Variants in ULK2 observed in about 807,000 individuals in gnomAD.
ULK2 encodes the protein unc-51 like autophagy activating kinase 2, also known as serine/threonine-protein kinase ULK2.
ULK2 carries 76 observed loss-of-function variants against 127.5 expected under a neutral mutation model. The observed-to-expected ratio is 0.60, with a 90% CI of 0.50 to 0.72. ULK2 has a LOEUF of 0.72. Ranked by LOEUF, ULK2 falls within the 30% of genes least tolerant of loss-of-function variation. The pLI is 0.00. For synonymous variants in ULK2, 452 were observed against 461.9 expected, an observed-to-expected ratio of 0.98 and a Z score of 0.28; for missense variants, 1,144 against 1,295.9, an observed-to-expected ratio of 0.88 and a Z score of 1.80.
rs1392835000 is a variant in ULK2 at position 19,801,833 on chromosome 17, GTC to G, written c.1383_1384del (p.Gln461HisfsTer12). On this transcript the variant is annotated frameshift_variant, in exon 16 of 27. Coordinates refer to ENST00000395544, the MANE Select transcript of ULK2 (RefSeq NM_014683.4). LOFTEE classifies it high-confidence loss of function. ...CCCAGTGGAGAGCCTTCGTCCAACT[GTC>G]TGTGCTGTGTCTGCTGGTACTGGGG... 9 of 1,614,244 alleles carry G rather than the reference GTC, an allele frequency of 5.6e-6. No individual in the cohort carries two copies. Among genetic ancestry groups the G allele is most frequent in the Non-Finnish European group, 7.6e-6 (9 of 1,180,040 alleles).
chr17:19,854,003 T>C (rs1372977778), intron 3 of ULK2, among the ~76,000 whole-genome samples: 1 of 152,016 alleles, frequency 6.6e-6, no homozygotes, highest in East Asian at 1.9e-4. Context: ...ATACAACATA[T>C]GAAAGCCAAT....
chr17:19,799,698 T>G (rs901250525), intron 16 of ULK2, 123 bp from the exon 17 acceptor site: 3 of 886,542 alleles, frequency 3.4e-6, no homozygotes, highest in Non-Finnish European at 4.8e-6. Flanking sequence ...AAATTTTAAG[T>G]AACAAACGTT....
At chr17:19,777,836 C>T in intron 25 of ULK2, 120 bp from the exon 26 acceptor site, 1 of 1,252,152 alleles carries the variant, frequency 8.0e-7, no homozygotes, top group South Asian at 1.6e-5. Context: ...TAAAGTGATA[C>T]AGTCTGCAAA....
At chr17:19,848,265 G>A (rs1294597093) in intron 5 of ULK2, 1 of 152,144 alleles carries the variant, frequency 6.6e-6, no homozygotes, top group Non-Finnish European at 1.5e-5. Flanking sequence ...CTACACTGAG[G>A]ATTTAGTATC....
At chr17:19,818,878 G>A (rs2041065826) in intron 12 of ULK2, among the ~76,000 whole-genome samples, 1 of 133,628 alleles carries the variant, frequency 7.5e-6, no homozygotes, top group South Asian at 2.4e-4. Flanking sequence ...TTGGCTCACT[G>A]CAACCTCTGC....
chr17:19,821,497 A>T (rs1040567374), intron 12 of ULK2, among the ~76,000 whole-genome samples: 1 of 149,032 alleles, frequency 6.7e-6, no homozygotes, highest in African/African-American at 2.4e-5. Context: ...TAAAAACGAC[A>T]ACGTTATATC....
chr17:19,780,415 A>T, intron 25 of ULK2, 57 bp downstream of exon 25: 1 of 1,444,210 alleles, frequency 6.9e-7, no homozygotes, highest in Non-Finnish European at 9.3e-7. Flanking sequence ...ATATTCAATT[A>T]AAAAGACACT....
At chr17:19,779,046 T>C (rs1046990296) in intron 25 of ULK2, among the ~76,000 whole-genome samples, 3 of 152,228 alleles carry the variant, frequency 2.0e-5, no homozygotes, top group Non-Finnish European at 2.9e-5. Flanking sequence ...ATGCAGTGCA[T>C]ATTATTCATC....
chr17:19,814,440 T>TATATATACACACATATATATA (rs1567696572), intron 13 of ULK2, among the ~76,000 whole-genome samples: 1 of 7,076 alleles, frequency 1.4e-4, no homozygotes, highest in African/African-American at 3.8e-4. Flanking sequence ...ATATATATAT[T>TATATATACACACATATATATA]TTTTTTTTTT....
intron 22 of ULK2, among the ~76,000 whole-genome samples, chr17:19,782,547 T>C (rs1193270052): frequency 6.6e-6 from 1 of 152,350 alleles, no homozygotes; most frequent in Non-Finnish European, 1.5e-5. Context: ...GCTCTAACTT[T>C]CTGTGATCTT....
At chr17:19,803,350 C>T (rs1402022222) in intron 15 of ULK2, among the ~76,000 whole-genome samples, 1 of 152,082 alleles carries the variant, frequency 6.6e-6, no homozygotes, top group Non-Finnish European at 1.5e-5. Flanking sequence ...TTCTTTTGTA[C>T]TGCAAGTGTG....
At chr17:19,831,654 G>A (rs774955196) in intron 10 of ULK2, among the ~76,000 whole-genome samples, 2 of 151,936 alleles carry the variant, frequency 1.3e-5, no homozygotes, top group Non-Finnish European at 2.9e-5. Context: ...GTGAAGCCCC[G>A]TCTCTACTAA....
At chr17:19,781,252 T>C in intron 23 of ULK2, 148 bp from the exon 24 acceptor site, 1 of 669,414 alleles carries the variant, frequency 1.5e-6, no homozygotes, top group Admixed American at 3.1e-5. Context: ...CTTTTTTTTT[T>C]TTTTTTTTTG....
intron 9 of ULK2, chr17:19,840,622 A>C: frequency 5.1e-6 from 1 of 196,916 alleles, no homozygotes; most frequent in African/African-American, 2.4e-5. Flanking sequence ...CATGCCTGTA[A>C]TCCCAGCACT....
chr17:19,856,159 T>C (rs912501829), intron 3 of ULK2: 14 of 152,252 alleles, frequency 9.2e-5, no homozygotes, highest in Admixed American at 7.2e-4. Context: ...GCCCCTTTCC[T>C]ATCACTCCCT....
chr17:19,803,857 T>G (rs1024821495), intron 15 of ULK2, among the ~76,000 whole-genome samples: 2 of 152,216 alleles, frequency 1.3e-5, no homozygotes, highest in African/African-American at 4.8e-5. Context: ...CATACATATA[T>G]GTAGAATTAG....
At chr17:19,785,034 T>C (rs565284469) in intron 21 of ULK2, among the ~76,000 whole-genome samples, 1 of 152,290 alleles carries the variant, frequency 6.6e-6, no homozygotes, top group East Asian at 1.9e-4. Context: ...TGACTCATGA[T>C]ACAACAGATA....
At position 19,776,301 on chromosome 17, in the gene ULK2, G is replaced by A. The variant is rs1482597173; in HGVS notation, c.*48C>T. Reference sequence around the variant, plus strand: ...ACAGAACTCAAGCTGTAATCCCAAAGGCATCACCTCACGTTCCCACCACCG... The same window carrying A: ...ACAGAACTCAAGCTGTAATCCCAAAAGCATCACCTCACGTTCCCACCACCG... On this transcript the variant is annotated 3_prime_UTR_variant, in exon 27 of 27. Transcript: ENST00000395544. 3.3e-6 allele frequency: 5 copies of A among 1,529,954 alleles called. No individual in the cohort carries two copies. The Admixed American group carries it at 6.4e-5, about 19-fold the overall frequency. 94.8% of individuals were successfully genotyped at this position (1,529,954 alleles called of 1,614,324 possible). A position where few individuals can be genotyped will look rare whatever the true frequency, so the allele number is the denominator to read the frequency against.
chr17:19,857,796 G>C (rs1241124695), intron 3 of ULK2, among the ~76,000 whole-genome samples: 1 of 152,096 alleles, frequency 6.6e-6, no homozygotes, highest in Non-Finnish European at 1.5e-5. Context: ...TCTGGCTCCT[G>C]CTAACCTCTC....
Sources: gnomAD v4.1 joint callset for allele counts (sites outside exome capture counted in the v4.1 genomes callset) on GRCh38, gnomAD v4.1.1 for gene constraint, MANE v1.5 for transcripts, NCBI Gene and HGNC (gene_info 2026-07-23, HGNC 2026-07-21) for gene names.